The following TDG variants were observed in gnomAD, a reference collection of about 807,000 sequenced individuals.
TDG encodes the protein thymine DNA glycosylase, also known as G/T mismatch-specific thymine DNA glycosylase.
In TDG, 23 loss-of-function variants were observed where a neutral mutation model predicts 46.1. That is an observed-to-expected ratio of 0.50 (90% CI 0.36 to 0.71). TDG has a LOEUF of 0.71. Ranked by LOEUF, TDG falls within the 30% of genes least tolerant of loss-of-function variation. The pLI is 0.00. For missense variants in TDG, 304 were observed against 486.7 expected, an observed-to-expected ratio of 0.62 and a Z score of 3.53; for synonymous variants, 115 against 161.3, an observed-to-expected ratio of 0.71 and a Z score of 2.18.
intron 1 of TDG, among the ~76,000 whole-genome samples, chr12:103,970,411 G>A (rs1045575213): frequency 2.0e-5 from 3 of 152,220 alleles, no homozygotes; most frequent in Non-Finnish European, 2.9e-5. Flanking sequence ...CCAGGTGTGT[G>A]TGGTTACTGT....
At chr12:103,967,100 A>G (rs1374815608) in intron 1 of TDG, among the ~76,000 whole-genome samples, 1 of 152,252 alleles carries the variant, frequency 6.6e-6, no homozygotes, top group African/African-American at 2.4e-5. Context: ...AAGAGAATTC[A>G]CCAGAATTTG....
intron 3 of TDG, 194 bp from the exon 4 acceptor site, chr12:103,980,699 T>A: frequency 2.1e-6 from 1 of 485,158 alleles, no homozygotes; most frequent in South Asian, 3.8e-5. Context: ...ACTTTTAAAA[T>A]AAAGAAAATC....
intron 3 of TDG, 33 bp from the exon 4 acceptor site, chr12:103,980,860 T>A (rs370345591): frequency 7.2e-5 from 116 of 1,602,756 alleles, no homozygotes; most frequent in Non-Finnish European, 9.6e-5. Flanking sequence ...TCCTGCTTTT[T>A]AAGATGAAAT....
At position 103,983,148 on chromosome 12, in the gene TDG, T is replaced by G. The variant is rs748110623; in HGVS notation, c.627T>G (p.Arg209=). ...GSKDLSSKEF[R]EGGRILVQKL... ...AATTCAATTTTAGTAAAGAATTTCGTGAAGGAGGACGTATTCTAGTACAGA... is the reference window on the plus strand; with the variant it reads ...AATTCAATTTTAGTAAAGAATTTCGGGAAGGAGGACGTATTCTAGTACAGA... Residue 209 remains arginine (R), a synonymous_variant, in exon 6 of 10, where the codon CGT becomes CGG. Coordinates refer to ENST00000392872, the MANE Select transcript of TDG (RefSeq NM_003211.6). The G allele has an allele frequency of 6.2e-7, 1 of 1,604,240 alleles. No homozygotes were observed. The highest frequency in any genetic ancestry group is 8.5e-7 in the Non-Finnish European group (1 of 1,176,538).
intron 9 of TDG, 74 bp downstream of exon 9, chr12:103,985,802 G>A: frequency 1.5e-6 from 2 of 1,360,228 alleles, no homozygotes; most frequent in Non-Finnish European, 9.6e-7. Flanking sequence ...TTTAATAGAA[G>A]GAGAGTAAAT....
chr12:103,979,974 G>A lies in TDG; in HGVS notation c.310G>A (p.Val104Ile). The change falls in exon 3 of 10, where the codon GTA becomes ATA. Residue 104 changes from valine (V) to isoleucine (I), a missense_variant. By Grantham distance (29) the Val-to-Ile change is conservative. Transcript: ENST00000392872. ...AGAAAAAATTACAGACACATTTAAA[G>A]TAAAAAGAAAAGTAGACCGTTTTAA... ...KQEKITDTFK[V>I]KRKVDRFNGV... The A allele has an allele frequency of 6.2e-7, 1 of 1,613,038 alleles. No individual in the cohort carries two copies. The highest frequency in any genetic ancestry group is 8.5e-7 in the Non-Finnish European group (1 of 1,179,954).
intron 2 of TDG, among the ~76,000 whole-genome samples, chr12:103,977,559 G>A (rs1023982828): frequency 3.9e-5 from 6 of 152,304 alleles, no homozygotes; most frequent in Admixed American, 2.6e-4. Context: ...TGTCCTTGGA[G>A]TCTGGGATAT....
At chr12:103,977,414 G>C (rs1871594101) in intron 2 of TDG, among the ~76,000 whole-genome samples, 1 of 152,144 alleles carries the variant, frequency 6.6e-6, no homozygotes, top group Non-Finnish European at 1.5e-5. Context: ...ATAACACCAG[G>C]GCTCTGAAAC....
intron 1 of TDG, among the ~76,000 whole-genome samples, chr12:103,972,159 C>T (rs946693970): frequency 2.0e-5 from 3 of 152,124 alleles, no homozygotes; most frequent in African/African-American, 7.2e-5. Context: ...TGCTCTGTCG[C>T]CCAGGCTGGA....
At chr12:103,980,663 A>G (rs1229068405) in intron 3 of TDG, 3 of 425,818 alleles carry the variant, frequency 7.0e-6, no homozygotes, top group Non-Finnish European at 1.2e-5. Context: ...AAAGGAGTCA[A>G]ACTGGTTTTT....
At chr12:103,975,769 C>G (rs1199624426) in intron 1 of TDG, among the ~76,000 whole-genome samples, 1 of 152,088 alleles carries the variant, frequency 6.6e-6, no homozygotes, top group Non-Finnish European at 1.5e-5. Flanking sequence ...TCAAACAGTT[C>G]TCCTGCCTCA....
At chr12:103,969,823 G>A (rs1453285806) in intron 1 of TDG, among the ~76,000 whole-genome samples, 1 of 152,158 alleles carries the variant, frequency 6.6e-6, no homozygotes, top group African/African-American at 2.4e-5. Context: ...TGGTAGCCCT[G>A]CTCATTTTCG....
At chr12:103,985,454 G>GT in intron 8 of TDG, 149 bp from the exon 9 acceptor site, 1 of 895,028 alleles carries the variant, frequency 1.1e-6, no homozygotes, top group Non-Finnish European at 1.5e-6. Flanking sequence ...TGTTTATTTA[G>GT]TACATGCTAT....
chr12:103,984,737 TTGTG>T lies in TDG; in HGVS notation c.793-11_793-8del. On this transcript the variant is annotated splice_polypyrimidine_tract_variant and splice_region_variant and intron_variant, in intron 7 of 9. Transcript: ENST00000392872. ...ATAAGATTTCTGAAATTATAAAATG[TTGTG>T]ATTCTAGCTCTGCTATGTTATGCCA... is the stretch of plus-strand genomic sequence containing the variant. 1.3e-6 allele frequency: 1 copy of T among 775,528 alleles called. No individual in the cohort carries two copies. Among genetic ancestry groups the T allele is most frequent in the Admixed American group, 5.1e-5 (1 of 19,578 alleles). 48.0% of individuals were successfully genotyped at this position (775,528 alleles called of 1,614,324 possible). A position where few individuals can be genotyped will look rare whatever the true frequency, so the allele number is the denominator to read the frequency against.
At chr12:103,979,679 A>G (rs1426485717) in intron 2 of TDG, 152 bp from the exon 3 acceptor site, 4 of 884,292 alleles carry the variant, frequency 4.5e-6, no homozygotes, top group Non-Finnish European at 6.5e-6. Context: ...AAGAAAGGGA[A>G]GATATTGCAG....
rs777050473 is a variant in TDG at position 103,976,951 on chromosome 12, G to A, written c.57G>A (p.Thr19=). The change falls in exon 2 of 10, where the codon ACG becomes ACA. Residue 19 remains threonine, a synonymous_variant. Coordinates refer to ENST00000392872, the MANE Select transcript of TDG (RefSeq NM_003211.6). The part of the protein sequence containing the change: ...YSLQQAQAFY[T]FPFQQLMAEA... ...TTCAGCAAGCTCAAGCTTTTTATAC[G>A]TTTCCATTTCAACAACTGATGGCTG... is the stretch of plus-strand genomic sequence containing the variant. The A allele has an allele frequency of 1.0e-4, 166 of 1,613,656 alleles. No individual in the cohort carries two copies. Among genetic ancestry groups the A allele is most frequent in the South Asian group, 3.3e-4 (30 of 90,996 alleles).
intron 5 of TDG, 80 bp from the exon 6 acceptor site, chr12:103,983,056 T>C (rs1871937809): frequency 1.9e-6 from 3 of 1,555,672 alleles, no homozygotes; most frequent in Non-Finnish European, 2.6e-6. Context: ...ATATGCTCTT[T>C]CATTGAAAGC....
At position 103,983,524 on chromosome 12, in the gene TDG, C is replaced by T. The variant is rs376275816; in HGVS notation, c.792+135C>T. 1.1e-4 allele frequency: 64 copies of T among 567,730 alleles called. 1 individual carries two copies. The African/African-American group carries it at 1.1e-3, about 10-fold the overall frequency. The allele number at this position is 567,730 out of a possible 1,614,324, so 35.2% of individuals were successfully genotyped here. ...TGTATTTTGTTGAATAATACCTATACATCAGCTTTAACTAATAGTTGTAAA... is the reference window on the plus strand; with the variant it reads ...TGTATTTTGTTGAATAATACCTATATATCAGCTTTAACTAATAGTTGTAAA... On this transcript the variant is annotated intron_variant, in intron 7 of 9. Transcript: ENST00000392872.
intron 1 of TDG, among the ~76,000 whole-genome samples, chr12:103,975,776 C>G (rs554072350): frequency 6.6e-6 from 1 of 152,208 alleles, no homozygotes; most frequent in Non-Finnish European, 1.5e-5. Context: ...GTTCTCCTGC[C>G]TCAGCCTCCC....
Sources: allele counts gnomAD v4.1 joint callset (sites outside exome capture counted in the v4.1 genomes callset), GRCh38; gene constraint gnomAD v4.1.1; transcripts MANE v1.5; gene names NCBI Gene and HGNC (gene_info 2026-07-23, HGNC 2026-07-21).